LIMD1: variants seen among roughly 807,000 people sequenced by gnomAD.
LIMD1 encodes LIM domain-containing protein 1.
A neutral mutation model predicts 58.4 loss-of-function variants in LIMD1; 23 were observed. That is an observed-to-expected ratio of 0.39 (90% confidence interval 0.28 to 0.56). LIMD1 has a LOEUF of 0.56. Among genes scored for constraint, LIMD1 ranks in the 20% least tolerant of loss-of-function variants. The pLI, the probability that LIMD1 is intolerant of heterozygous loss-of-function variation, is 0.57. For synonymous variants in LIMD1, 334 were observed against 345.5 expected, an observed-to-expected ratio of 0.97 and a Z score of 0.37; for missense variants, 838 against 855.5, an observed-to-expected ratio of 0.98 and a Z score of 0.25.
At chr3:45,601,174 G>A (rs1701408327) in intron 1 of LIMD1, among the ~76,000 whole-genome samples, 1 of 152,252 alleles carries the variant, frequency 6.6e-6, no homozygotes, top group Non-Finnish European at 1.5e-5. Flanking sequence ...ATTAAAAGGT[G>A]CTTTTGGGGT....
At chr3:45,660,208 G>C (rs2125667006) in intron 2 of LIMD1, among the ~76,000 whole-genome samples, 1 of 152,184 alleles carries the variant, frequency 6.6e-6, no homozygotes, top group South Asian at 2.1e-4. Flanking sequence ...TGGCCTCCTA[G>C]CTCCCTCTAG....
At chr3:45,622,908 T>A (rs1227652161) in intron 1 of LIMD1, among the ~76,000 whole-genome samples, 3 of 152,158 alleles carry the variant, frequency 2.0e-5, no homozygotes, top group Admixed American at 6.5e-5. Context: ...CCTAAGGTGA[T>A]GATCCCGCCT....
At chr3:45,606,487 G>A (rs1448391540) in intron 1 of LIMD1, among the ~76,000 whole-genome samples, 1 of 152,218 alleles carries the variant, frequency 6.6e-6, no homozygotes, top group Non-Finnish European at 1.5e-5. Flanking sequence ...CTCTTGCAAC[G>A]AGAGGCTGTC....
At chr3:45,673,622 C>T in intron 6 of LIMD1, 117 bp downstream of exon 6, 4 of 940,818 alleles carry the variant, frequency 4.3e-6, no homozygotes, top group Non-Finnish European at 5.2e-6. Context: ...TTTTAAAAAT[C>T]TCAACTCTGG....
rs932103132 is a variant in LIMD1, at chr3:45,620,019, A to G, written c.1409-16131A>G. 4.8e-4 allele frequency among the ~76,000 whole-genome samples: 73 copies of G among 152,056 alleles called. 1 individual carries two copies. The highest frequency in any genetic ancestry group is 1.7e-3 in the African/African-American group (72 of 41,428). ...ATTGGTGGAGGATGTCGGATGGGGT[A>G]TTCTAAATTGCTGGTGGGAAAACTG... On this transcript the variant is annotated intron_variant, in intron 1 of 7. Transcript: ENST00000273317.
intron 2 of LIMD1, among the ~76,000 whole-genome samples, chr3:45,647,150 C>T (rs1038442284): frequency 6.6e-6 from 1 of 152,168 alleles, no homozygotes; most frequent in Non-Finnish European, 1.5e-5. Context: ...CCTACATAGA[C>T]GTTTTTGCCT....
intron 2 of LIMD1, among the ~76,000 whole-genome samples, chr3:45,664,261 C>T (rs905458594): frequency 3.9e-5 from 6 of 152,178 alleles, no homozygotes; most frequent in Non-Finnish European, 7.3e-5. Context: ...CCGTGTCAGC[C>T]TCCCAAAATG....
Position 45,595,274 on chromosome 3 carries a change from A to G in LIMD1, c.395A>G (p.Gln132Arg). 1 of 1,612,462 alleles carries G rather than the reference A, an allele frequency of 6.2e-7. No homozygotes were observed. The highest frequency in any genetic ancestry group is 8.5e-7 in the Non-Finnish European group (1 of 1,179,718). ...CAGCCCCCGTACCCACCGCAGGAGCAGAGATCCAGGCCATACCTGCATGGC... is the reference window on the plus strand; with the variant it reads ...CAGCCCCCGTACCCACCGCAGGAGCGGAGATCCAGGCCATACCTGCATGGC... ...AGQPPYPPQE[Q>R]RSRPYLHGTR... The change falls in exon 1 of 8, where the codon CAG becomes CGG. Residue 132 changes from glutamine (Q) to arginine (R), a missense_variant. Gln to Arg is a conservative substitution (Grantham distance 43). Transcript: ENST00000273317.
At chr3:45,644,321 G>C (rs1271229038) in intron 2 of LIMD1, among the ~76,000 whole-genome samples, 1 of 151,754 alleles carries the variant, frequency 6.6e-6, no homozygotes, top group South Asian at 2.1e-4. Context: ...TCCCTTTTTT[G>C]TTGACTTTGT....
intron 1 of LIMD1, among the ~76,000 whole-genome samples, chr3:45,633,607 C>T (rs1701758306): frequency 6.6e-6 from 1 of 152,158 alleles, no homozygotes; most frequent in Non-Finnish European, 1.5e-5. Context: ...CTGTATAATT[C>T]CTTCAACTTT....
chr3:45,616,800 G>T lies in LIMD1; in HGVS notation c.1409-19350G>T, dbSNP rs144481452. On this transcript the variant is annotated intron_variant, in intron 1 of 7. Coordinates refer to ENST00000273317, the MANE Select transcript of LIMD1 (RefSeq NM_014240.3). The stretch of plus-strand genomic sequence containing the variant: ...GACGGAATCTTGCTTTGTCTCCCAG[G>T]CTGGAGTGTGGTGGCGCAATCTTGG... Among the ~76,000 whole-genome samples, 608 of 151,756 alleles carry T rather than the reference G, an allele frequency of 4.0e-3. 7 individuals carry two copies. The highest frequency in any genetic ancestry group is 0.014 in the African/African-American group (579 of 41,342).
At chr3:45,664,690 G>A (rs755742271) in intron 2 of LIMD1, among the ~76,000 whole-genome samples, 2 of 152,226 alleles carry the variant, frequency 1.3e-5, no homozygotes, top group Admixed American at 1.3e-4. Flanking sequence ...TCTGCCTTGC[G>A]CTGCTTTGCC....
chr3:45,599,280 C>T (rs1206997537), intron 1 of LIMD1, among the ~76,000 whole-genome samples: 3 of 151,246 alleles, frequency 2.0e-5, no homozygotes, highest in East Asian at 3.9e-4. Flanking sequence ...AAAATGTTTT[C>T]GTCAACCCAA....
chr3:45,658,594 A>G (rs1697380305), intron 2 of LIMD1, among the ~76,000 whole-genome samples: 1 of 101,578 alleles, frequency 9.8e-6, no homozygotes, highest in Non-Finnish European at 1.8e-5. Context: ...CATGTTGCTC[A>G]TTGCAGGCTG....
At chr3:45,659,127 C>T (rs1697392229) in intron 2 of LIMD1, among the ~76,000 whole-genome samples, 1 of 152,004 alleles carries the variant, frequency 6.6e-6, no homozygotes, top group African/African-American at 2.4e-5. Flanking sequence ...GTACCTAATA[C>T]TAGAAAGAAA....
chr3:45,611,399 G>T lies in LIMD1; in HGVS notation c.1408+15112G>T, dbSNP rs550919471. On this transcript the variant is annotated intron_variant, in intron 1 of 7. Coordinates refer to ENST00000273317, the MANE Select transcript of LIMD1 (RefSeq NM_014240.3). ...GTGTGCACAGGGCTTGATGGAGCAG[G>T]TGGTCATTGCAGCTGAGCCAACTTT... 5.3e-5 allele frequency among the ~76,000 whole-genome samples: 8 copies of T among 152,342 alleles called. No individual in the cohort carries two copies. The South Asian group carries it at 1.4e-3, about 28-fold the overall frequency.
chr3:45,635,954 C>T (rs1282141933), intron 1 of LIMD1, 196 bp from the exon 2 acceptor site: 3 of 985,140 alleles, frequency 3.0e-6, no homozygotes, highest in Non-Finnish European at 3.6e-6. Flanking sequence ...AAAGTCCAGC[C>T]TGGTAGCTGT....
Position 45,677,052 on chromosome 3 carries a change from A to G in LIMD1, c.2024A>G (p.His675Arg), listed in dbSNP as rs552127985. The change falls in exon 8 of 8, where the codon CAC (histidine) becomes CGC (arginine). Residue 675 changes from histidine (H) to arginine (R), a missense_variant. His to Arg is a conservative substitution (Grantham distance 29). This residue lies in a region of LIMD1 where 174 missense variants were observed against 197.4 expected (regional missense o/e 0.88). Coordinates refer to ENST00000273317, the MANE Select transcript of LIMD1 (RefSeq NM_014240.3). ...RPSSTALHQH[H>R]F ...TCATCTACAGCCCTTCACCAGCACC[A>G]CTTCTAGCCAGAGCCACTTGCAGAC... The G allele has an allele frequency of 1.9e-6, 3 of 1,613,404 alleles. No individual in the cohort carries two copies. In the East Asian group the frequency reaches 6.7e-5, roughly 36 times the overall value.
In LIMD1 at chr3:45,644,632, G is replaced by A. The variant is rs543344883; in HGVS notation, c.1510+8381G>A. Among the ~76,000 whole-genome samples, 55 of 152,280 alleles carry A rather than the reference G, an allele frequency of 3.6e-4. No homozygotes were observed. In the South Asian group the frequency reaches 0.011, roughly 32 times the overall value. On this transcript the variant is annotated intron_variant, in intron 2 of 7. Coordinates refer to ENST00000273317, the MANE Select transcript of LIMD1 (RefSeq NM_014240.3). ...GGCTTGGAGAGTTTAGTTTGTGGTT[G>A]GTTTCGTCACTGTTAAGTGGTGTGG... is the stretch of plus-strand genomic sequence containing the variant.
Sources: gnomAD v4.1 joint callset for allele counts (sites outside exome capture counted in the v4.1 genomes callset) on GRCh38, gnomAD v4.1.1 for gene constraint, gnomAD v4.1.1 regional missense constraint, MANE v1.5 for transcripts, NCBI Gene and HGNC (gene_info 2026-07-23, HGNC 2026-07-21) for gene names.